Variants in CCDC38 observed in about 807,000 individuals in gnomAD.
CCDC38 encodes the protein coiled-coil domain containing 38.
Under a neutral mutation model 72.8 loss-of-function variants are expected in CCDC38, and 69 were observed. The ratio of observed to expected loss-of-function variants is 0.95; its 90% CI spans 0.78 to 1.16. The LOEUF is 1.16. Ranked by LOEUF, CCDC38 falls within the 50% of genes most tolerant of loss-of-function variation. CCDC38 has a pLI of 0.00. For missense variants in CCDC38, 626 were observed against 638.9 expected (o/e 0.98, Z 0.22); for synonymous variants, 201 against 213.2 (o/e 0.94, Z 0.50).
intron 11 of CCDC38, among the ~76,000 whole-genome samples, chr12:95,880,584 C>T (rs773593556): frequency 1.3e-5 from 2 of 150,056 alleles, no homozygotes; most frequent in African/African-American, 4.9e-5. Flanking sequence ...ACTCAGGAGG[C>T]GGAGGTTTCA....
chr12:95,888,367 A>G (rs1270510779), intron 10 of CCDC38, 91 bp downstream of exon 10: 1 of 1,121,064 alleles, frequency 8.9e-7, no homozygotes, highest in Admixed American at 1.7e-5. Context: ...AGTTATGGGT[A>G]CATGACATAT....
chr12:95,932,302 A>C (rs538851567), intron 2 of CCDC38, among the ~76,000 whole-genome samples: 2 of 152,084 alleles, frequency 1.3e-5, no homozygotes, highest in Non-Finnish European at 2.9e-5. Flanking sequence ...CTGAAGGGAG[A>C]ACCAACAGAA....
intron 2 of CCDC38, among the ~76,000 whole-genome samples, chr12:95,929,164 C>T (rs2080308022): frequency 6.6e-6 from 1 of 152,220 alleles, no homozygotes; most frequent in Non-Finnish European, 1.5e-5. Context: ...AGTTTGATCT[C>T]AGACTGCCGT....
chr12:95,905,929 T>C (rs2079996496), intron 5 of CCDC38, among the ~76,000 whole-genome samples: 1 of 152,208 alleles, frequency 6.6e-6, no homozygotes, highest in South Asian at 2.1e-4. Context: ...CTGACATGAA[T>C]AGGTATCAAG....
chr12:95,891,213 A>G (rs183009873), intron 8 of CCDC38, among the ~76,000 whole-genome samples: 6 of 152,374 alleles, frequency 3.9e-5, no homozygotes, highest in African/African-American at 1.2e-4. Context: ...GCACTAGGAC[A>G]TCTCCATTTT....
At chr12:95,929,868 C>G (rs1436122) in intron 2 of CCDC38, among the ~76,000 whole-genome samples, 65,687 of 151,932 alleles carry the variant, frequency 0.43, 14,568 homozygotes, top group Admixed American at 0.54. Flanking sequence ...GGTGAAGCCT[C>G]TAGGGGAGAA....
chr12:95,932,093 T>C (rs2080344065), intron 2 of CCDC38, among the ~76,000 whole-genome samples: 1 of 152,104 alleles, frequency 6.6e-6, no homozygotes, highest in Admixed American at 6.6e-5. Context: ...TGACCCTCAG[T>C]AAACCAGAGA....
chr12:95,886,856 G>A (rs2079765456), intron 10 of CCDC38, among the ~76,000 whole-genome samples: 1 of 152,214 alleles, frequency 6.6e-6, no homozygotes, highest in Non-Finnish European at 1.5e-5. Context: ...AAGTGACATA[G>A]CCACTCTGAG....
At chr12:95,886,922 C>T (rs1191602711) in intron 10 of CCDC38, among the ~76,000 whole-genome samples, 11 of 152,188 alleles carry the variant, frequency 7.2e-5, no homozygotes, top group Non-Finnish European at 7.3e-5. Flanking sequence ...TGGTGGCTCA[C>T]GCCTGTAATC....
intron 2 of CCDC38, among the ~76,000 whole-genome samples, chr12:95,930,299 A>G (rs2080323922): frequency 6.6e-6 from 1 of 152,150 alleles, no homozygotes; most frequent in African/African-American, 2.4e-5. Flanking sequence ...AACAACAGAA[A>G]TGTAGTCTCT....
intron 7 of CCDC38, among the ~76,000 whole-genome samples, chr12:95,896,069 A>AAG (rs1462056644): frequency 1.3e-5 from 2 of 148,734 alleles, no homozygotes; most frequent in African/African-American, 5.2e-5. Context: ...AAAAAAAAAA[A>AAG]AAAAAAGAAA....
At chr12:95,906,287 T>C (rs888252557) in intron 5 of CCDC38, 100 bp downstream of exon 5, 5 of 823,160 alleles carry the variant, frequency 6.1e-6, no homozygotes, top group Admixed American at 2.4e-5. Context: ...CCAATAGATT[T>C]GGGACATGTA....
chr12:95,869,806 C>T, intron 14 of CCDC38: 1 of 433,600 alleles, frequency 2.3e-6, no homozygotes, highest in Non-Finnish European at 4.0e-6. Context: ...ATAAAATATA[C>T]CCAGATCTTG....
intron 13 of CCDC38, among the ~76,000 whole-genome samples, chr12:95,877,553 A>G (rs1360898155): frequency 6.6e-6 from 1 of 152,164 alleles, no homozygotes; most frequent in African/African-American, 2.4e-5. Context: ...AAGGTAATCA[A>G]TGTTAGATGG....
chr12:95,875,525 A>G (rs1044876468), intron 13 of CCDC38, among the ~76,000 whole-genome samples: 1 of 152,228 alleles, frequency 6.6e-6, no homozygotes, highest in African/African-American at 2.4e-5. Context: ...AAATATGTCA[A>G]TTATACCTCA....
chr12:95,875,658 G>A (rs904903439), intron 13 of CCDC38, among the ~76,000 whole-genome samples: 9 of 151,984 alleles, frequency 5.9e-5, no homozygotes, highest in Non-Finnish European at 1.2e-4. Context: ...CTAAGAATAC[G>A]TTTCCCTCCC....
intron 9 of CCDC38, among the ~76,000 whole-genome samples, chr12:95,889,463 C>T (rs937586395): frequency 6.6e-6 from 1 of 152,152 alleles, no homozygotes; most frequent in African/African-American, 2.4e-5. Flanking sequence ...CCTGCCCCCA[C>T]ACCCTACTCA....
chr12:95,942,247 C>T (rs761675125), intron 1 of CCDC38, among the ~76,000 whole-genome samples, 184 bp downstream of exon 1: 2 of 152,142 alleles, frequency 1.3e-5, no homozygotes, highest in Non-Finnish European at 2.9e-5. Flanking sequence ...AAAGCCTGGG[C>T]CTGGCAGTGT....
At chr12:95,873,547 C>G (rs10507064) in intron 13 of CCDC38, among the ~76,000 whole-genome samples, 52,081 of 152,022 alleles carry the variant, frequency 0.34, 9,342 homozygotes, top group South Asian at 0.49. Context: ...TGGTAGGTAA[C>G]TTGTCTCAGG....
Sources: gnomAD v4.1 joint callset for allele counts (sites outside exome capture counted in the v4.1 genomes callset) on GRCh38, gnomAD v4.1.1 for gene constraint, MANE v1.5 for transcripts, NCBI Gene and HGNC (gene_info 2026-07-23, HGNC 2026-07-21) for gene names.